EPHA6: variants seen among roughly 807,000 people sequenced by gnomAD.
EPHA6 encodes EPH receptor A6, also known as ephrin type-A receptor 6.
Under a neutral mutation model 112.0 loss-of-function variants are expected in EPHA6, and 50 were observed. That is an observed-to-expected ratio of 0.45 (90% CI 0.36 to 0.56). The LOEUF is 0.56. EPHA6 is among the 20% of genes least tolerant of loss of function. The pLI, the probability that EPHA6 is intolerant of heterozygous loss-of-function variation, is 0.00. For synonymous variants in EPHA6, 529 were observed against 490.7 expected, an observed-to-expected ratio of 1.08 and a Z score of -1.03; for missense variants, 1,280 against 1,417.4, an observed-to-expected ratio of 0.90 and a Z score of 1.56.
intron 4 of EPHA6, among the ~76,000 whole-genome samples, chr3:97,242,750 T>G (rs2078883670): frequency 6.6e-6 from 1 of 151,838 alleles, no homozygotes; most frequent in African/African-American, 2.4e-5. Context: ...TAGGGAGACA[T>G]TGCTTTCCAC....
At chr3:97,498,166 C>T (rs527631360) in intron 10 of EPHA6, among the ~76,000 whole-genome samples, 1 of 152,100 alleles carries the variant, frequency 6.6e-6, no homozygotes, top group Non-Finnish European at 1.5e-5. Flanking sequence ...TTAAATAACC[C>T]TTCTTTACCC....
At chr3:97,582,155 G>A (rs1166092585) in intron 11 of EPHA6, among the ~76,000 whole-genome samples, 1 of 151,940 alleles carries the variant, frequency 6.6e-6, no homozygotes, top group Non-Finnish European at 1.5e-5. Flanking sequence ...TCAGCCTCCT[G>A]AATAGCTGGG....
intron 1 of EPHA6, among the ~76,000 whole-genome samples, chr3:96,865,335 A>G (rs764380641): frequency 2.6e-5 from 4 of 152,060 alleles, no homozygotes; most frequent in Non-Finnish European, 5.9e-5. Flanking sequence ...AGTAGACACC[A>G]AACAGCAGGT....
At chr3:97,022,520 G>T (rs1448825651) in intron 3 of EPHA6, among the ~76,000 whole-genome samples, 1 of 152,130 alleles carries the variant, frequency 6.6e-6, no homozygotes. Flanking sequence ...TAGGTTGTGG[G>T]TGGGCTTCAA....
intron 10 of EPHA6, among the ~76,000 whole-genome samples, chr3:97,488,671 A>T (rs2091759016): frequency 6.6e-6 from 1 of 152,182 alleles, no homozygotes; most frequent in African/African-American, 2.4e-5. Context: ...TTATATATAT[A>T]TTTTAAAACC....
intron 14 of EPHA6, among the ~76,000 whole-genome samples, chr3:97,650,006 CT>C (rs1421655188): frequency 6.6e-6 from 1 of 152,022 alleles, no homozygotes; most frequent in African/African-American, 2.4e-5. Context: ...TCAATATAAA[CT>C]TTTTGTAAAG....
chr3:97,548,325 C>A (rs1169124138), intron 11 of EPHA6, among the ~76,000 whole-genome samples: 2 of 152,186 alleles, frequency 1.3e-5, no homozygotes, highest in Non-Finnish European at 2.9e-5. Context: ...ATGATGCCCA[C>A]ATGCTTTATT....
At chr3:97,640,469 A>G (rs1010580156) in intron 14 of EPHA6, among the ~76,000 whole-genome samples, 8 of 152,162 alleles carry the variant, frequency 5.3e-5, no homozygotes, top group Non-Finnish European at 1.2e-4. Flanking sequence ...CGCATGTCTT[A>G]GAAGATATTA....
chr3:97,662,346 A>C (rs762751438), intron 14 of EPHA6, among the ~76,000 whole-genome samples: 5 of 152,228 alleles, frequency 3.3e-5, no homozygotes, highest in Non-Finnish European at 7.3e-5. Context: ...AGGATTAAGC[A>C]AGGTATAAAC....
chr3:96,959,752 A>G (rs73131557), intron 2 of EPHA6, among the ~76,000 whole-genome samples: 24 of 152,122 alleles, frequency 1.6e-4, no homozygotes, highest in Admixed American at 2.6e-4. Flanking sequence ...AGTAATAAAT[A>G]CATTGCTCAT....
intron 3 of EPHA6, among the ~76,000 whole-genome samples, chr3:97,099,726 C>T (rs9861668): frequency 0.21 from 31,975 of 151,758 alleles, 4,780 homozygotes; most frequent in African/African-American, 0.4. Flanking sequence ...TCTTCTCACA[C>T]CCTGATGATG....
chr3:97,462,505 C>T (rs559563382), intron 7 of EPHA6, among the ~76,000 whole-genome samples: 1 of 152,104 alleles, frequency 6.6e-6, no homozygotes, highest in Admixed American at 6.6e-5. Flanking sequence ...TGTATCATAG[C>T]CACCTACTCC....
At chr3:97,183,605 A>G (rs2108457543) in intron 3 of EPHA6, among the ~76,000 whole-genome samples, 1 of 152,236 alleles carries the variant, frequency 6.6e-6, no homozygotes, top group South Asian at 2.1e-4. Context: ...CTTTGTCAAT[A>G]TCTCATGTTT....
intron 3 of EPHA6, among the ~76,000 whole-genome samples, chr3:97,071,910 A>T (rs1051585986): frequency 6.6e-6 from 1 of 151,888 alleles, no homozygotes; most frequent in Non-Finnish European, 1.5e-5. Flanking sequence ...CCTTTGTGTC[A>T]TTCTTATGCC....
Position 97,603,840 on chromosome 3 carries a change from A to C in EPHA6, c.2513-6953A>C, listed in dbSNP as rs78507245. On this transcript the variant is annotated intron_variant, in intron 12 of 17. Transcript: ENST00000389672. ...TTTCAAACCTGTCAATTTCAGGCAT[A>C]TATGATTTAAATGGACCTTTGAGAC... is the stretch of plus-strand genomic sequence containing the variant. Among the ~76,000 whole-genome samples the C allele has an allele frequency of 4.9e-3, 739 of 152,024 alleles. 3 individuals carry two copies. Among genetic ancestry groups the C allele is most frequent in the Non-Finnish European group, 7.3e-3 (494 of 67,868 alleles).
chr3:97,289,400 C>T (rs886173292), intron 5 of EPHA6, among the ~76,000 whole-genome samples: 2 of 151,916 alleles, frequency 1.3e-5, no homozygotes, highest in Admixed American at 1.3e-4. Context: ...AAGTGTACAA[C>T]TTTATTAGGG....
chr3:97,730,121 A>G (rs1430693463), intron 15 of EPHA6, among the ~76,000 whole-genome samples: 1 of 152,094 alleles, frequency 6.6e-6, no homozygotes, highest in East Asian at 1.9e-4. Flanking sequence ...CTTGCTCAAT[A>G]GTATTGTTCA....
intron 11 of EPHA6, among the ~76,000 whole-genome samples, chr3:97,551,185 A>T (rs1172801160): frequency 1.3e-5 from 2 of 152,182 alleles, no homozygotes; most frequent in Non-Finnish European, 2.9e-5. Flanking sequence ...AAGTAAGACC[A>T]CAGCAAATTC....
At chr3:97,128,673 G>A (rs190851214) in intron 3 of EPHA6, among the ~76,000 whole-genome samples, 2 of 151,910 alleles carry the variant, frequency 1.3e-5, no homozygotes, top group Admixed American at 1.3e-4. Flanking sequence ...GAGCCACCAC[G>A]CCTGGCTAAT....
Sources: allele counts gnomAD v4.1 joint callset (sites outside exome capture counted in the v4.1 genomes callset), GRCh38; gene constraint gnomAD v4.1.1; transcripts MANE v1.5; gene names NCBI Gene and HGNC (gene_info 2026-07-23, HGNC 2026-07-21).